The following SEL1L variants were observed in gnomAD, a reference collection of about 807,000 sequenced individuals.
SEL1L encodes the protein protein sel-1 homolog 1.
In SEL1L, 52 loss-of-function variants were observed where a neutral mutation model predicts 109.8. The ratio of observed to expected loss-of-function variants is 0.47; its 90% CI spans 0.38 to 0.60. The LOEUF (loss-of-function observed/expected upper bound fraction) is 0.60, where lower values mean the gene tolerates loss of function less well. Among genes scored for constraint, SEL1L ranks in the 20% least tolerant of loss-of-function variants. The pLI, the probability that SEL1L is intolerant of heterozygous loss-of-function variation, is 0.00. For synonymous variants in SEL1L, 373 were observed against 339.6 expected, an observed-to-expected ratio of 1.10 and a Z score of -1.08; for missense variants, 749 against 962.2, an observed-to-expected ratio of 0.78 and a Z score of 2.93.
At chr14:81,495,619 CAG>C (rs2140006060) in intron 10 of SEL1L, among the ~76,000 whole-genome samples, 2 of 151,996 alleles carry the variant, frequency 1.3e-5, no homozygotes, top group South Asian at 4.2e-4. Context: ...GCCTGGGCGA[CAG>C]AGAGAGATGT....
chr14:81,526,598 T>C lies in SEL1L; in HGVS notation c.340+135A>G, dbSNP rs1048087546. The C allele has an allele frequency of 8.7e-6, 6 of 692,694 alleles. No individual in the cohort carries two copies. In the Admixed American group the frequency reaches 1.8e-4, roughly 21 times the overall value. The allele number at this position is 692,694 out of a possible 1,614,324, so 42.9% of individuals were successfully genotyped here. A position where few individuals can be genotyped will look rare whatever the true frequency, so the allele number is the denominator to read the frequency against. On this transcript the variant is annotated intron_variant, in intron 3 of 20. Coordinates refer to ENST00000336735, the MANE Select transcript of SEL1L (RefSeq NM_005065.6). ...GGTATATTAAAATCTAGAAATTCTCTCCAAACTACACTCCATATATTATTT... is the reference window on the plus strand; with the variant it reads ...GGTATATTAAAATCTAGAAATTCTCCCCAAACTACACTCCATATATTATTT...
intron 3 of SEL1L, among the ~76,000 whole-genome samples, chr14:81,515,922 T>C (rs964856403): frequency 1.3e-5 from 2 of 152,098 alleles, no homozygotes; most frequent in Non-Finnish European, 2.9e-5. Flanking sequence ...GCAGCCTTAG[T>C]CATGGCCCTC....
intron 1 of SEL1L, among the ~76,000 whole-genome samples, chr14:81,528,052 G>C (rs1044421587): frequency 1.3e-5 from 2 of 151,950 alleles, no homozygotes; most frequent in African/African-American, 4.8e-5. Flanking sequence ...AATTCTTGTG[G>C]GTCTATTTAG....
At chr14:81,524,640 G>A (rs886555842) in intron 3 of SEL1L, among the ~76,000 whole-genome samples, 17 of 152,274 alleles carry the variant, frequency 1.1e-4, no homozygotes, top group African/African-American at 4.1e-4. Flanking sequence ...GGGAGGCCAA[G>A]GTGGGCAGAT....
At chr14:81,492,812 G>A (rs1211664537) in intron 11 of SEL1L, among the ~76,000 whole-genome samples, 1 of 152,096 alleles carries the variant, frequency 6.6e-6, no homozygotes, top group Non-Finnish European at 1.5e-5. Flanking sequence ...TAAACGTAAG[G>A]TACAACAAGC....
At chr14:81,533,034 T>A (rs1240289822) in intron 1 of SEL1L, among the ~76,000 whole-genome samples, 2 of 152,172 alleles carry the variant, frequency 1.3e-5, no homozygotes, top group Non-Finnish European at 2.9e-5. Context: ...ATAAAACGCA[T>A]CTTATAAGAA....
intron 14 of SEL1L, 105 bp from the exon 15 acceptor site, chr14:81,488,047 C>T (rs1377457122): frequency 1.2e-6 from 1 of 822,444 alleles, no homozygotes; most frequent in Non-Finnish European, 1.9e-6. Flanking sequence ...AAAAATATTC[C>T]CAAAGAGCCA....
At chr14:81,477,552 C>G (rs1903205455) in intron 20 of SEL1L, among the ~76,000 whole-genome samples, 1 of 152,144 alleles carries the variant, frequency 6.6e-6, no homozygotes, top group Admixed American at 6.5e-5. Context: ...GGGCTCAGGC[C>G]TTGTAATCCC....
intron 3 of SEL1L, among the ~76,000 whole-genome samples, chr14:81,518,947 C>T (rs986462599): frequency 1.3e-5 from 2 of 152,150 alleles, no homozygotes; most frequent in Admixed American, 1.3e-4. Flanking sequence ...TTTGAGAAGG[C>T]TGGCTTCCAA....
intron 10 of SEL1L, among the ~76,000 whole-genome samples, chr14:81,495,372 C>T (rs1246971975): frequency 3.9e-5 from 6 of 152,218 alleles, no homozygotes; most frequent in Admixed American, 2.0e-4. Context: ...GGTGCGGTGG[C>T]TCACGCCTGT....
chr14:81,476,895 G>T lies in SEL1L; in HGVS notation c.*77C>A. Reference sequence around the variant, plus strand: ...TTCTGGGAGGTGACCACTGATCCAAGGTCCTAAATCAAATGCAAGTGTTCC... The same window carrying T: ...TTCTGGGAGGTGACCACTGATCCAATGTCCTAAATCAAATGCAAGTGTTCC... On this transcript the variant is annotated 3_prime_UTR_variant, in exon 21 of 21. Transcript: ENST00000336735. 6.9e-7 allele frequency: 1 copy of T among 1,454,688 alleles called. No individual in the cohort carries two copies. Among genetic ancestry groups the T allele is most frequent in the Non-Finnish European group, 9.4e-7 (1 of 1,058,756 alleles). The allele number at this position is 1,454,688 out of a possible 1,614,324, so 90.1% of individuals were successfully genotyped here. A position where few individuals can be genotyped will look rare whatever the true frequency, so the allele number is the denominator to read the frequency against.
chr14:81,510,096 G>C (rs993422429), intron 3 of SEL1L, among the ~76,000 whole-genome samples: 1 of 152,162 alleles, frequency 6.6e-6, no homozygotes, highest in Non-Finnish European at 1.5e-5. Flanking sequence ...CAAATTCTAA[G>C]GAACCAGCAG....
chr14:81,485,283 T>A (rs1903482806), intron 18 of SEL1L, among the ~76,000 whole-genome samples: 1 of 152,108 alleles, frequency 6.6e-6, no homozygotes, highest in South Asian at 2.1e-4. Flanking sequence ...AATTAATTAT[T>A]TTATTGTTTT....
chr14:81,528,194 T>C (rs1443190237), intron 1 of SEL1L, among the ~76,000 whole-genome samples: 1 of 152,220 alleles, frequency 6.6e-6, no homozygotes, highest in African/African-American at 2.4e-5. Flanking sequence ...CATTAGTATT[T>C]GTATTGTTTA....
chr14:81,516,450 G>A (rs1428923732), intron 3 of SEL1L, among the ~76,000 whole-genome samples: 1 of 152,106 alleles, frequency 6.6e-6, no homozygotes, highest in African/African-American at 2.4e-5. Flanking sequence ...CCCTTATTAG[G>A]GAGCGATATA....
chr14:81,477,047 A>C lies in SEL1L; in HGVS notation c.2310T>G (p.Pro770=). ...AYRQRQHQDM[P]APRPPGPRPA... is the part of the protein sequence containing the mutation. ...GCCGTGGCCCTGGAGGCCTGGGTGC[A>C]GGCATGTCTTGGTGCTGCCTTTGCC... is the stretch of plus-strand genomic sequence containing the variant. Residue 770 remains proline (P), a synonymous_variant, in exon 21 of 21, where the codon CCT becomes CCG. Transcript: ENST00000336735. 1 of 1,614,140 alleles carries C rather than the reference A, an allele frequency of 6.2e-7. No individual in the cohort carries two copies. The highest frequency in any genetic ancestry group is 8.5e-7 in the Non-Finnish European group (1 of 1,180,046).
chr14:81,521,299 A>C (rs887753711), intron 3 of SEL1L, among the ~76,000 whole-genome samples: 2 of 152,190 alleles, frequency 1.3e-5, no homozygotes, highest in Non-Finnish European at 2.9e-5. Context: ...GCTGACTTTC[A>C]TTTCTGGGTC....
chr14:81,490,417 G>A lies in SEL1L; in HGVS notation c.1303C>T (p.Leu435Phe). 1 of 1,613,898 alleles carries A rather than the reference G, an allele frequency of 6.2e-7. No homozygotes were observed. The highest frequency in any genetic ancestry group is 8.5e-7 in the Non-Finnish European group (1 of 1,179,830). The change falls in exon 13 of 21, where the codon CTC (leucine) becomes TTC (phenylalanine). Residue 435 changes from leucine to phenylalanine, a missense_variant. This residue lies in a region of SEL1L where 383 missense variants were observed against 562.5 expected (regional missense o/e 0.68). Coordinates refer to ENST00000336735, the MANE Select transcript of SEL1L (RefSeq NM_005065.6). ...TCAGCAGCTTTCTTAAAGTAGTGGA[G>A]AGCTGTCTCATTACTCTGAGGTACA... ...DIVPQSNETA[L>F]HYFKKAADMG...
intron 6 of SEL1L, among the ~76,000 whole-genome samples, chr14:81,501,564 G>T (rs1022719561): frequency 6.6e-6 from 1 of 152,128 alleles, no homozygotes; most frequent in Admixed American, 6.6e-5. Flanking sequence ...TAGGTATTCA[G>T]TTCTAAGAAA....
Sources: allele counts gnomAD v4.1 joint callset (sites outside exome capture counted in the v4.1 genomes callset), GRCh38; gene constraint gnomAD v4.1.1; regional missense constraint gnomAD v4.1.1; transcripts MANE v1.5; gene names NCBI Gene and HGNC (gene_info 2026-07-23, HGNC 2026-07-21).